The following MTFR1 variants were observed in gnomAD, a reference collection of about 807,000 sequenced individuals.
The protein encoded by MTFR1 is chondrocyte protein with a poly-proline region.
MTFR1 carries 28 observed loss-of-function variants against 38.8 expected under a neutral mutation model. The ratio of observed to expected loss-of-function variants is 0.72; its 90% CI spans 0.53 to 0.99. The LOEUF is 0.99. Ranked by LOEUF, MTFR1 falls within the 50% of genes least tolerant of loss-of-function variation. The pLI, the probability that MTFR1 is intolerant of heterozygous loss-of-function variation, is 0.00. For missense variants in MTFR1, 358 were observed against 395.5 expected (o/e 0.91, Z 0.81); for synonymous variants, 145 against 137.0 (o/e 1.06, Z -0.41).
At chr8:65,727,747 A>C (rs1806671177) in intron 3 of MTFR1, 1 of 154,754 alleles carries the variant, frequency 6.5e-6, no homozygotes, top group Non-Finnish European at 1.4e-5. Flanking sequence ...ATGTAATCTA[A>C]GATGTAAGGT....
intron 1 of MTFR1, among the ~76,000 whole-genome samples, chr8:65,649,583 ACAT>A (rs1237391866): frequency 6.6e-6 from 1 of 152,166 alleles, no homozygotes; most frequent in Non-Finnish European, 1.5e-5. Flanking sequence ...TGTAATAATC[ACAT>A]CAGGGTAAAT....
intron 1 of MTFR1, among the ~76,000 whole-genome samples, chr8:65,661,985 A>G (rs959353626): frequency 1.3e-5 from 2 of 148,596 alleles, no homozygotes; most frequent in African/African-American, 4.9e-5. Context: ...ACAAACAAAA[A>G]GAGCAAAAGC....
chr8:65,705,048 A>C, intron 5 of MTFR1, 119 bp downstream of exon 5: 1 of 891,668 alleles, frequency 1.1e-6, no homozygotes, highest in Non-Finnish European at 1.7e-6. Context: ...GGTGTCATCC[A>C]GGTACGGTGG....
chr8:65,765,334 A>G (rs1808718533), intron 3 of MTFR1, among the ~76,000 whole-genome samples: 1 of 150,700 alleles, frequency 6.6e-6, no homozygotes, highest in Non-Finnish European at 1.5e-5. Flanking sequence ...CTAAAAATAC[A>G]AAAAATTAGC....
chr8:65,731,819 A>AAT, intron 3 of MTFR1, among the ~76,000 whole-genome samples: 1 of 152,240 alleles, frequency 6.6e-6, no homozygotes, highest in South Asian at 2.1e-4. Context: ...TTTCTCACAA[A>AAT]ATATATATAC....
At chr8:65,679,207 A>G (rs1248489254) in intron 2 of MTFR1, among the ~76,000 whole-genome samples, 1 of 152,220 alleles carries the variant, frequency 6.6e-6, no homozygotes, top group Admixed American at 6.5e-5. Context: ...TCATAGGAGA[A>G]TTTTGACTTG....
At chr8:65,670,492 T>C (rs376434719) in intron 2 of MTFR1, among the ~76,000 whole-genome samples, 39 of 152,192 alleles carry the variant, frequency 2.6e-4, no homozygotes, top group African/African-American at 8.7e-4. Context: ...GCTAGAGATA[T>C]TAGTTTTTAC....
intron 1 of MTFR1, among the ~76,000 whole-genome samples, chr8:65,646,842 C>T (rs1415987260): frequency 6.6e-6 from 1 of 152,178 alleles, no homozygotes; most frequent in Non-Finnish European, 1.5e-5. Context: ...ATCCTTCATC[C>T]TCCCAATCTT....
chr8:65,689,965 A>G (rs947585707), intron 3 of MTFR1, among the ~76,000 whole-genome samples: 2 of 152,168 alleles, frequency 1.3e-5, no homozygotes, highest in African/African-American at 4.8e-5. Flanking sequence ...TAACATTTTC[A>G]TCTTATTGAG....
intron 3 of MTFR1, chr8:65,731,657 C>T (rs1048635046): frequency 6.6e-6 from 1 of 152,084 alleles, no homozygotes; most frequent in African/African-American, 2.4e-5. Flanking sequence ...AATAAATACT[C>T]AAGTTAGTGA....
upstream of MTFR1, among the ~76,000 whole-genome samples, chr8:65,644,209 C>A (rs552570582): frequency 6.6e-5 from 10 of 152,080 alleles, no homozygotes; most frequent in Non-Finnish European, 1.5e-4. Flanking sequence ...ACTGAACAGA[C>A]GCTGGAACCG....
the MTFR1 span, among the ~76,000 whole-genome samples, chr8:65,776,958 C>T: frequency 6.6e-6 from 1 of 152,092 alleles, no homozygotes; most frequent in South Asian, 2.1e-4. Context: ...TAATATTGCG[C>T]ATTAAATATG....
intron 3 of MTFR1, chr8:65,726,818 T>C: frequency 1.1e-6 from 1 of 883,244 alleles, no homozygotes; most frequent in Non-Finnish European, 1.9e-6. Context: ...TAAAATTACT[T>C]TGCCAACTTA....
downstream of MTFR1, among the ~76,000 whole-genome samples, chr8:65,710,882 TA>T (rs1287337087): frequency 2.0e-5 from 3 of 152,032 alleles, no homozygotes; most frequent in African/African-American, 7.3e-5. Context: ...ACACCTGAAG[TA>T]AAAGACCTTA....
downstream of MTFR1, among the ~76,000 whole-genome samples, chr8:65,771,884 C>CAAAAAAAAAAAAAAAAAAA (rs36101490): frequency 3.6e-5 from 2 of 55,826 alleles, no homozygotes; most frequent in African/African-American, 5.5e-5. Flanking sequence ...CTCCATCTCT[C>CAAAAAAAAAAAAAAAAAAA]AAAAAAAAAA....
chr8:65,735,465 T>A (rs562838710), intron 3 of MTFR1, among the ~76,000 whole-genome samples: 2 of 152,138 alleles, frequency 1.3e-5, no homozygotes, highest in Non-Finnish European at 2.9e-5. Flanking sequence ...CATGCCACCA[T>A]GTCTGGCTCA....
intron 2 of MTFR1, among the ~76,000 whole-genome samples, chr8:65,680,489 G>A (rs1272825455): frequency 2.0e-5 from 3 of 152,118 alleles, no homozygotes; most frequent in Non-Finnish European, 4.4e-5. Flanking sequence ...GACTCATACT[G>A]TTATCCTTGA....
At chr8:65,651,308 C>A (rs904623000) in intron 1 of MTFR1, among the ~76,000 whole-genome samples, 2 of 152,022 alleles carry the variant, frequency 1.3e-5, no homozygotes, top group Non-Finnish European at 2.9e-5. Flanking sequence ...GATGTGATCT[C>A]ATTTGTCCTT....
At chr8:65,727,410 C>A (rs1315498875) in intron 3 of MTFR1, 2 of 1,470,960 alleles carry the variant, frequency 1.4e-6, no homozygotes, top group Non-Finnish European at 1.8e-6. Flanking sequence ...AATCTCCTCC[C>A]CCTTCACGTC....
Sources: gnomAD v4.1 joint callset for allele counts (sites outside exome capture counted in the v4.1 genomes callset) on GRCh38, gnomAD v4.1.1 for gene constraint, MANE v1.5 for transcripts, NCBI Gene and HGNC (gene_info 2026-07-23, HGNC 2026-07-21) for gene names.